The following YLPM1 variants were observed in gnomAD, a reference collection of about 807,000 sequenced individuals.
YLPM1 encodes the protein YLP motif containing 1.
Under a neutral mutation model 230.0 loss-of-function variants are expected in YLPM1, and 99 were observed. The ratio of observed to expected loss-of-function variants is 0.43; its 90% CI spans 0.37 to 0.51. The LOEUF (loss-of-function observed/expected upper bound fraction) is 0.51. Ranked by LOEUF, YLPM1 falls within the 20% of genes least tolerant of loss-of-function variation. YLPM1 has a pLI of 0.00. For synonymous variants in YLPM1, 984 were observed against 942.5 expected (o/e 1.04, Z -0.81); for missense variants, 2,592 against 2,707.7 (o/e 0.96, Z 0.95).
At chr14:74,810,038 T>G in intron 8 of YLPM1, 36 bp downstream of exon 8, 2 of 1,545,192 alleles carry the variant, frequency 1.3e-6, no homozygotes, top group Non-Finnish European at 1.8e-6. Context: ...TTTTAAACAT[T>G]TTAGGGCCTA....
chr14:74,829,398 G>A (rs1343833152), intron 19 of YLPM1, 55 bp downstream of exon 19: 4 of 1,604,028 alleles, frequency 2.5e-6, no homozygotes, highest in Non-Finnish European at 3.4e-6. Context: ...TAGGCATCTG[G>A]TTTTAGGAAG....
rs951821709 is a variant in YLPM1 at position 74,836,545 on chromosome 14, T to G, written c.*807T>G. On this transcript the variant is annotated 3_prime_UTR_variant, in exon 21 of 21. Transcript: ENST00000325680. The stretch of plus-strand genomic sequence containing the variant: ...TTCCTTCCTTCTTCTTTTCACTTTC[T>G]GCCTTTATGCTGTTAGGTTTTTATT... 1.3e-5 allele frequency: 2 copies of G among 152,370 alleles called. No individual in the cohort carries two copies. Among genetic ancestry groups the G allele is most frequent in the African/African-American group, 2.4e-5 (1 of 41,446 alleles). The allele number at this position is 152,370 out of a possible 1,614,324, so 9.4% of individuals were successfully genotyped here.
At chr14:74,806,336 G>A (rs993428411) in intron 6 of YLPM1, among the ~76,000 whole-genome samples, 4 of 151,438 alleles carry the variant, frequency 2.6e-5, no homozygotes, top group Non-Finnish European at 5.9e-5. Flanking sequence ...CAGCCTGGGT[G>A]ACAGATCAAG....
intron 4 of YLPM1, among the ~76,000 whole-genome samples, chr14:74,788,757 C>T (rs975041703): frequency 9.2e-5 from 14 of 151,938 alleles, no homozygotes; most frequent in South Asian, 6.2e-4. Context: ...GTGGGAGGAT[C>T]GCTTGAGCCT....
At chr14:74,774,803 CA>C (rs35237469) in intron 1 of YLPM1, among the ~76,000 whole-genome samples, 18,392 of 152,050 alleles carry the variant, frequency 0.12, 1,724 homozygotes, top group African/African-American at 0.26. Context: ...CTTGGCCTCC[CA>C]AAGTGCTGGG....
rs1258603667 is a variant in YLPM1 at position 74,817,249 on chromosome 14, A to G, written c.5918A>G (p.His1973Arg). Residue 1973 changes from histidine to arginine, a missense_variant, in exon 15 of 21, where the codon CAT (histidine) becomes CGT (arginine). This residue lies in a region of YLPM1 where 315 missense variants were observed against 429.3 expected (regional missense o/e 0.73). Coordinates refer to ENST00000325680, the MANE Select transcript of YLPM1 (RefSeq NM_019589.3). ...CAGACTTGTGGCAAGAGAAATATTC[A>G]TGGAAGAAAGCTTAAAGAAATAAAT... ...DNQTCGKRNI[H>R]GRKLKEINKM... 1.3e-6 allele frequency: 2 copies of G among 1,596,134 alleles called. No individual in the cohort carries two copies. Among genetic ancestry groups the G allele is most frequent in the African/African-American group, 1.3e-5 (1 of 74,724 alleles).
Position 74,781,921 on chromosome 14 carries a change from A to G in YLPM1, c.1878A>G (p.Ser626=), listed in dbSNP as rs192608859. ...PPVMPLPPLS[S]ATPPPGIPPP... is the part of the protein sequence containing the mutation. ...TCATGCCCCTCCCACCATTGTCTTCAGCTACACCTCCTCCAGGAATACCTC... is the reference window on the plus strand; with the variant it reads ...TCATGCCCCTCCCACCATTGTCTTCGGCTACACCTCCTCCAGGAATACCTC... Residue 626 remains serine, a synonymous_variant, in exon 4 of 21, where the codon TCA becomes TCG. Transcript: ENST00000325680. 8.7e-6 allele frequency: 14 copies of G among 1,613,102 alleles called. No homozygotes were observed. The African/African-American group carries it at 1.3e-4, about 15-fold the overall frequency.
At chr14:74,830,911 T>G (rs998202986) in intron 19 of YLPM1, among the ~76,000 whole-genome samples, 2 of 152,194 alleles carry the variant, frequency 1.3e-5, no homozygotes, top group Non-Finnish European at 2.9e-5. Flanking sequence ...CAATTCAACA[T>G]GAGATTTGAA....
In YLPM1 at chr14:74,809,492, C is replaced by T; in HGVS notation, c.4634C>T (p.Pro1545Leu). ...GTTCCTGTGACCAGGCCACCTGTCC[C>T]AATACCACCACCTCCACCTCCTCCA... ...SSVPVTRPPV[P>L]IPPPPPPPPL... The change falls in exon 7 of 21, where the codon CCA (proline) becomes CTA (leucine). Residue 1545 changes from proline to leucine, a missense_variant. Physicochemically the swap from Pro to Leu is moderately conservative, Grantham distance 98. This residue lies in a region of YLPM1 where 403 missense variants were observed against 426.7 expected (regional missense o/e 0.94). Coordinates refer to ENST00000325680, the MANE Select transcript of YLPM1 (RefSeq NM_019589.3). 1.3e-6 allele frequency: 2 copies of T among 1,585,174 alleles called. No individual in the cohort carries two copies. Among genetic ancestry groups the T allele is most frequent in the Non-Finnish European group, 1.7e-6 (2 of 1,164,746 alleles).
At chr14:74,791,263 G>C (rs1290867949) in intron 4 of YLPM1, among the ~76,000 whole-genome samples, 1 of 152,038 alleles carries the variant, frequency 6.6e-6, no homozygotes, top group African/African-American at 2.4e-5. Context: ...GTGAGACCCT[G>C]TCTCAGAAAA....
At chr14:74,766,374 A>G (rs561310525) in intron 1 of YLPM1, among the ~76,000 whole-genome samples, 2 of 152,342 alleles carry the variant, frequency 1.3e-5, no homozygotes, top group African/African-American at 4.8e-5. Flanking sequence ...TATTTTTAAA[A>G]TACACAAAAT....
At chr14:74,785,197 A>G (rs764990746) in intron 4 of YLPM1, among the ~76,000 whole-genome samples, 2 of 151,724 alleles carry the variant, frequency 1.3e-5, no homozygotes, top group Non-Finnish European at 2.9e-5. Context: ...AAGACTTTAC[A>G]TTTCTCTTTA....
At chr14:74,772,144 A>G (rs1190114759) in intron 1 of YLPM1, among the ~76,000 whole-genome samples, 1 of 151,944 alleles carries the variant, frequency 6.6e-6, no homozygotes, top group Non-Finnish European at 1.5e-5. Context: ...TTGGAAAATC[A>G]TTTAGTATCT....
intron 19 of YLPM1, among the ~76,000 whole-genome samples, chr14:74,834,504 G>A (rs1045578213): frequency 2.0e-5 from 3 of 152,088 alleles, no homozygotes; most frequent in Admixed American, 2.0e-4. Context: ...ATTATACTAC[G>A]GTGTGGAAGT....
Position 74,824,266 on chromosome 14 carries a change from C to T in YLPM1, c.6122C>T (p.Pro2041Leu), listed in dbSNP as rs777393180. ...CTGTGTACGATTTAGGGTTACATTC[C>T]GAAAAGCAAATGGGAGATGGACACA... is the stretch of plus-strand genomic sequence containing the variant. Reference protein sequence around the residue: ...EEEESELGYIPKSKWEMDTSE... With the variant: ...EEEESELGYILKSKWEMDTSE... The change falls in exon 18 of 21, where the codon CCG becomes CTG. Residue 2041 changes from proline to leucine, a missense_variant. By Grantham distance (98) the Pro-to-Leu change is moderately conservative. Coordinates refer to ENST00000325680, the MANE Select transcript of YLPM1 (RefSeq NM_019589.3). The T allele has an allele frequency of 1.9e-6, 3 of 1,612,060 alleles. No individual in the cohort carries two copies. Among genetic ancestry groups the T allele is most frequent in the Admixed American group, 1.7e-5 (1 of 59,830 alleles).
In YLPM1 at chr14:74,811,693, C is replaced by G; in HGVS notation, c.5302C>G (p.Arg1768Gly). The stretch of plus-strand genomic sequence containing the variant: ...GGGTTTTGATAGGCCATCCTATGAC[C>G]GGAAGTCTGACCGACCAGTCTATGA... ...RGGFDRPSYDRKSDRPVYEGP... is the reference protein window; with the variant it reads ...RGGFDRPSYDGKSDRPVYEGP... The change falls in exon 10 of 21, where the codon CGG becomes GGG. Residue 1768 changes from arginine (R) to glycine (G), a missense_variant. This residue lies in a region of YLPM1 where 403 missense variants were observed against 426.7 expected (regional missense o/e 0.94). Transcript: ENST00000325680. 2 of 1,611,894 alleles carry G rather than the reference C, an allele frequency of 1.2e-6. No individual in the cohort carries two copies. The highest frequency in any genetic ancestry group is 1.7e-6 in the Non-Finnish European group (2 of 1,179,326).
chr14:74,814,768 C>T (rs1373440862), intron 11 of YLPM1, among the ~76,000 whole-genome samples: 1 of 152,240 alleles, frequency 6.6e-6, no homozygotes, highest in Middle Eastern at 3.4e-3. Context: ...TTATTCCTTC[C>T]TATTCTATGT....
intron 4 of YLPM1, among the ~76,000 whole-genome samples, chr14:74,792,437 C>T (rs2287403): frequency 0.36 from 54,257 of 152,136 alleles, 11,707 homozygotes; most frequent in East Asian, 0.54. Context: ...TCAGGAGAAG[C>T]GGCCCTTCTG....
intron 19 of YLPM1, among the ~76,000 whole-genome samples, chr14:74,830,987 A>G (rs17102703): frequency 0.015 from 2,286 of 152,302 alleles, 54 homozygotes; most frequent in African/African-American, 0.053. Context: ...ATTTATTGCC[A>G]GTACAGATGT....
Sources: gnomAD v4.1 joint callset for allele counts (sites outside exome capture counted in the v4.1 genomes callset) on GRCh38, gnomAD v4.1.1 for gene constraint, gnomAD v4.1.1 regional missense constraint, MANE v1.5 for transcripts, NCBI Gene and HGNC (gene_info 2026-07-23, HGNC 2026-07-21) for gene names.